The following ZNF507 variants were observed in gnomAD, a reference collection of about 807,000 sequenced individuals.
The protein encoded by ZNF507 is zinc finger protein 507.
A neutral mutation model predicts 80.0 loss-of-function variants in ZNF507; 29 were observed. The ratio of observed to expected loss-of-function variants is 0.36; its 90% CI spans 0.27 to 0.49. The LOEUF (loss-of-function observed/expected upper bound fraction) is 0.49. ZNF507 is among the 20% of genes least tolerant of loss of function. ZNF507 has a pLI of 0.98. For missense variants in ZNF507, 1,081 were observed against 1,152.2 expected (o/e 0.94, Z 0.90); for synonymous variants, 462 against 422.5 (o/e 1.09, Z -1.15).
At chr19:32,356,527 A>G (rs1352996840) in intron 3 of ZNF507, 89 bp from the exon 4 acceptor site, 1 of 853,730 alleles carries the variant, frequency 1.2e-6, no homozygotes, top group Non-Finnish European at 1.9e-6. Context: ...GTACTAGGCC[A>G]TGAAAGCAAT....
Position 32,353,085 on chromosome 19 carries a change from T to C in ZNF507, c.255T>C (p.Leu85=), listed in dbSNP as rs1375300449. ...CACACTCTCTTGAAACCCAAGAACTTTGTGAGATTCCGGCTAAAGTAATCC... is the reference window on the plus strand; with the variant it reads ...CACACTCTCTTGAAACCCAAGAACTCTGTGAGATTCCGGCTAAAGTAATCC... The part of the protein sequence containing the change: ...AATHSLETQE[L]CEIPAKVIQS... Residue 85 remains leucine, a synonymous_variant, in exon 3 of 7, where the codon CTT becomes CTC. Coordinates refer to ENST00000355898, the MANE Select transcript of ZNF507 (RefSeq NM_001136156.2). 1.9e-6 allele frequency: 3 copies of C among 1,614,058 alleles called. No individual in the cohort carries two copies. The African/African-American group carries it at 4.0e-5, about 22-fold the overall frequency.
rs761591273 is a variant in ZNF507 at position 32,360,529 on chromosome 19, A to G, written c.2271A>G (p.Gln757=). 4 of 1,594,698 alleles carry G rather than the reference A, an allele frequency of 2.5e-6. No homozygotes were observed. In the Admixed American group the frequency reaches 7.0e-5, roughly 28 times the overall value. ...QEGNKSSVQK[Q]YRCDVCDYTS... Reference sequence around the variant, plus strand: ...GGAATAAGTCTTCAGTCCAGAAACAATATAGATGTGATGTGTGTGATTATA... The same window carrying G: ...GGAATAAGTCTTCAGTCCAGAAACAGTATAGATGTGATGTGTGTGATTATA... Residue 757 remains glutamine, a synonymous_variant, in exon 5 of 7, where the codon CAA becomes CAG. Transcript: ENST00000355898.
At chr19:32,349,169 G>T (rs1381780143) in intron 2 of ZNF507, among the ~76,000 whole-genome samples, 1 of 152,172 alleles carries the variant, frequency 6.6e-6, no homozygotes, top group African/African-American at 2.4e-5. Flanking sequence ...TGACCTAGAG[G>T]TAGAGAACCA....
At chr19:32,345,970 C>T (rs974541833) in intron 1 of ZNF507, among the ~76,000 whole-genome samples, 187 bp downstream of exon 1, 1 of 152,354 alleles carries the variant, frequency 6.6e-6, no homozygotes, top group South Asian at 2.1e-4. Flanking sequence ...TGCGGAGACT[C>T]TGGGCTTGCC....
chr19:32,350,650 C>T (rs935912548), intron 2 of ZNF507, among the ~76,000 whole-genome samples: 1 of 152,116 alleles, frequency 6.6e-6, no homozygotes, highest in Non-Finnish European at 1.5e-5. Context: ...CTTTGTAACC[C>T]TACGGGTGTG....
intron 5 of ZNF507, among the ~76,000 whole-genome samples, chr19:32,370,146 G>A (rs894903337): frequency 2.6e-5 from 4 of 152,168 alleles, no homozygotes; most frequent in African/African-American, 4.8e-5. Context: ...TTCTTTATCC[G>A]TTTGTCCGTC....
intron 2 of ZNF507, 89 bp from the exon 3 acceptor site, chr19:32,352,740 G>T: frequency 4.3e-6 from 5 of 1,164,406 alleles, no homozygotes; most frequent in Non-Finnish European, 4.8e-6. Flanking sequence ...TGAGATTACA[G>T]ACACTAACAT....
chr19:32,354,170 G>A lies in ZNF507; in HGVS notation c.1340G>A (p.Cys447Tyr), dbSNP rs781159611. 2.5e-6 allele frequency: 4 copies of A among 1,613,274 alleles called. No individual in the cohort carries two copies. Among genetic ancestry groups the A allele is most frequent in the Admixed American group, 3.3e-5 (2 of 60,020 alleles). Residue 447 changes from cysteine (C) to tyrosine (Y), a missense_variant, in exon 3 of 7, where the codon TGT becomes TAT. Cys to Tyr is a radical substitution (Grantham distance 194). Coordinates refer to ENST00000355898, the MANE Select transcript of ZNF507 (RefSeq NM_001136156.2). ...GATGATGTTTATCGTGCTGATAAAT[G>A]TACTGTTGATATTGGGGGATTGATC... ...GMDDVYRADK[C>Y]TVDIGGLIIG... is the part of the protein sequence containing the mutation.
chr19:32,354,996 C>T (rs761079052), intron 3 of ZNF507, 39 bp downstream of exon 3: 3 of 1,520,986 alleles, frequency 2.0e-6, no homozygotes, highest in Non-Finnish European at 2.7e-6. Flanking sequence ...AGGACCTTCG[C>T]ATCTTAGAGT....
chr19:32,349,502 C>T (rs774558628), intron 2 of ZNF507, among the ~76,000 whole-genome samples: 1 of 152,194 alleles, frequency 6.6e-6, no homozygotes, highest in Non-Finnish European at 1.5e-5. Context: ...TGTACCATTG[C>T]GTTGTTTAAA....
chr19:32,373,306 A>C (rs1307921342), intron 5 of ZNF507, among the ~76,000 whole-genome samples: 3 of 152,176 alleles, frequency 2.0e-5, no homozygotes, highest in African/African-American at 7.2e-5. Flanking sequence ...CCCACCTCTT[A>C]ATACTATCCC....
chr19:32,374,043 AC>A (rs1967510411), intron 5 of ZNF507, among the ~76,000 whole-genome samples: 1 of 152,166 alleles, frequency 6.6e-6, no homozygotes, highest in South Asian at 2.1e-4. Context: ...CTCTGCAGTT[AC>A]TCACAGTTCG....
At chr19:32,371,498 AC>A in intron 5 of ZNF507, among the ~76,000 whole-genome samples, 1 of 145,008 alleles carries the variant, frequency 6.9e-6, no homozygotes, top group Non-Finnish European at 1.5e-5. Flanking sequence ...AAAAAAAATG[AC>A]TGTGCCCGTC....
At position 32,353,880 on chromosome 19, in the gene ZNF507, G is replaced by A. The variant is rs1568303010; in HGVS notation, c.1050G>A (p.Gln350=). ...QSAERGVHLS[Q]SVTLDPNEEE... ...CAGAAAGAGGAGTACACCTAAGTCAGTCAGTTACCCTGGACCCCAATGAGG... is the reference window on the plus strand; with the variant it reads ...CAGAAAGAGGAGTACACCTAAGTCAATCAGTTACCCTGGACCCCAATGAGG... The change falls in exon 3 of 7, where the codon CAG becomes CAA. Residue 350 remains glutamine, a synonymous_variant. Coordinates refer to ENST00000355898, the MANE Select transcript of ZNF507 (RefSeq NM_001136156.2). 1 of 1,614,072 alleles carries A rather than the reference G, an allele frequency of 6.2e-7. No individual in the cohort carries two copies. The highest frequency in any genetic ancestry group is 1.3e-5 in the African/African-American group (1 of 74,924).
At chr19:32,351,712 A>G (rs1199915408) in intron 2 of ZNF507, among the ~76,000 whole-genome samples, 3 of 152,086 alleles carry the variant, frequency 2.0e-5, no homozygotes, top group African/African-American at 7.2e-5. Context: ...GCCACTAAAA[A>G]TTTTGTTGGC....
intron 5 of ZNF507, among the ~76,000 whole-genome samples, chr19:32,369,903 C>T (rs902105349): frequency 2.0e-5 from 3 of 152,042 alleles, no homozygotes; most frequent in Admixed American, 1.3e-4. Context: ...AATCTTCTCT[C>T]CCTCCCCACC....
At chr19:32,355,017 C>T (rs766811674) in intron 3 of ZNF507, 60 bp downstream of exon 3, 38 of 1,434,696 alleles carry the variant, frequency 2.6e-5, no homozygotes, top group Non-Finnish European at 3.4e-5. Flanking sequence ...GAGAAGGGAA[C>T]TTTGTAGATC....
Position 32,382,520 on chromosome 19 carries a change from T to C in ZNF507, c.2414T>C (p.Met805Thr). 6.2e-7 allele frequency: 1 copy of C among 1,614,208 alleles called. No homozygotes were observed. The highest frequency in any genetic ancestry group is 8.5e-7 in the Non-Finnish European group (1 of 1,180,024). Residue 805 changes from methionine (M) to threonine (T), a missense_variant, in exon 6 of 7, where the codon ATG becomes ACG. Physicochemically the swap from Met to Thr is moderately conservative, Grantham distance 81. Around this residue, in one of 6 missense-constraint regions of ZNF507, gnomAD observed 11 missense variants for 37.1 expected, o/e 0.30. Coordinates refer to ENST00000355898, the MANE Select transcript of ZNF507 (RefSeq NM_001136156.2). ...CATCCTCCTTCTTTGAAGTCTCATATGTGGAAACATGCAAGTGACCAAAAT... is the reference window on the plus strand; with the variant it reads ...CATCCTCCTTCTTTGAAGTCTCATACGTGGAAACATGCAAGTGACCAAAAT... ...CSHPPSLKSH[M>T]WKHASDQNYN...
intron 4 of ZNF507, 40 bp downstream of exon 4, chr19:32,356,773 A>T (rs756914543): frequency 6.6e-7 from 1 of 1,514,796 alleles, no homozygotes; most frequent in South Asian, 1.1e-5. Context: ...AGTGACTTGC[A>T]CATGACATAA....
Sources: gnomAD v4.1 joint callset for allele counts (sites outside exome capture counted in the v4.1 genomes callset) on GRCh38, gnomAD v4.1.1 for gene constraint, gnomAD v4.1.1 regional missense constraint, MANE v1.5 for transcripts, NCBI Gene and HGNC (gene_info 2026-07-23, HGNC 2026-07-21) for gene names.